The following NBAS variants were observed in gnomAD, a reference collection of about 807,000 sequenced individuals.
NBAS encodes NAG/BC035112 fusion.
A neutral mutation model predicts 302.5 loss-of-function variants in NBAS; 219 were observed. The ratio of observed to expected loss-of-function variants is 0.72; its 90% confidence interval spans 0.65 to 0.81. The LOEUF is 0.81. NBAS is among the 30% of genes least tolerant of loss of function. NBAS has a pLI of 0.00. For synonymous variants in NBAS, 1,118 were observed against 1,021.6 expected, an observed-to-expected ratio of 1.09 and a Z score of -1.80; for missense variants, 2,932 against 2,841.6, an observed-to-expected ratio of 1.03 and a Z score of -0.72.
the NBAS span, among the ~76,000 whole-genome samples, chr2:14,969,478 G>A: frequency 2.6e-5 from 4 of 152,120 alleles, no homozygotes; most frequent in Non-Finnish European, 4.4e-5. Flanking sequence ...CCGGGTTCAA[G>A]CGACCCTCCT....
At chr2:15,540,618 T>C (rs952346937) in intron 6 of NBAS, among the ~76,000 whole-genome samples, 17 of 152,254 alleles carry the variant, frequency 1.1e-4, no homozygotes, top group African/African-American at 3.1e-4. Context: ...CCATTGTAGC[T>C]TTCCAGTTTT....
At chr2:14,783,436 C>G in the NBAS span, among the ~76,000 whole-genome samples, 1 of 150,174 alleles carries the variant, frequency 6.7e-6, no homozygotes, top group Non-Finnish European at 1.5e-5. Context: ...CGTCATTTAG[C>G]ATTAGGTATA....
chr2:15,370,330 A>G (rs746391620), intron 31 of NBAS, among the ~76,000 whole-genome samples: 1 of 152,102 alleles, frequency 6.6e-6, no homozygotes, highest in African/African-American at 2.4e-5. Context: ...GTCTCGCTCT[A>G]TTGCCCAGGC....
chr2:15,560,698 C>G (rs1391829682), intron 1 of NBAS, among the ~76,000 whole-genome samples: 1 of 152,100 alleles, frequency 6.6e-6, no homozygotes, highest in Non-Finnish European at 1.5e-5. Flanking sequence ...CTGCGCTCTG[C>G]ACCAGCCTGG....
At chr2:15,442,781 G>A (rs975674441) in intron 21 of NBAS, among the ~76,000 whole-genome samples, 1 of 151,578 alleles carries the variant, frequency 6.6e-6, no homozygotes, top group Non-Finnish European at 1.5e-5. Flanking sequence ...AAAAAAGAGA[G>A]AAGAATCAAA....
the NBAS span, among the ~76,000 whole-genome samples, chr2:14,787,033 T>C: frequency 1.3e-5 from 2 of 152,206 alleles, no homozygotes; most frequent in African/African-American, 4.8e-5. Flanking sequence ...ATATTTAGGA[T>C]AGTTAGCTCT....
the NBAS span, among the ~76,000 whole-genome samples, chr2:15,115,754 T>C: frequency 6.6e-6 from 1 of 152,106 alleles, no homozygotes; most frequent in African/African-American, 2.4e-5. Flanking sequence ...CTCACATGAT[T>C]CTTCTGCCTC....
the NBAS span, among the ~76,000 whole-genome samples, chr2:14,993,515 A>G: frequency 1.3e-5 from 2 of 152,354 alleles, no homozygotes; most frequent in South Asian, 4.1e-4. Flanking sequence ...GAACAACACC[A>G]TACATTAACG....
intron 42 of NBAS, among the ~76,000 whole-genome samples, chr2:15,284,860 A>C (rs1254890736): frequency 1.3e-5 from 2 of 152,202 alleles, no homozygotes; most frequent in Admixed American, 1.3e-4. Context: ...GCCAGGAGGT[A>C]ATGATTTCCT....
At chr2:14,787,763 T>A in the NBAS span, among the ~76,000 whole-genome samples, 1 of 152,250 alleles carries the variant, frequency 6.6e-6, no homozygotes. Flanking sequence ...TATTTTTTCC[T>A]TCATTTCAAC....
chr2:15,529,355 T>C (rs920387718), intron 9 of NBAS, among the ~76,000 whole-genome samples: 4 of 151,976 alleles, frequency 2.6e-5, no homozygotes, highest in African/African-American at 9.7e-5. Context: ...CAGCCAAGTG[T>C]GGTGGTGTGC....
the NBAS span, among the ~76,000 whole-genome samples, chr2:15,110,920 T>C: frequency 6.6e-6 from 1 of 152,126 alleles, no homozygotes. Context: ...AGAAACATAA[T>C]GCTTGGAGCC....
At chr2:15,445,326 T>C (rs1678672099) in intron 21 of NBAS, among the ~76,000 whole-genome samples, 1 of 147,790 alleles carries the variant, frequency 6.8e-6, no homozygotes, top group Non-Finnish European at 1.5e-5. Flanking sequence ...TATGCAGCCA[T>C]AAAAAATGAT....
At chr2:15,395,651 T>C (rs940606542) in intron 27 of NBAS, among the ~76,000 whole-genome samples, 4 of 152,222 alleles carry the variant, frequency 2.6e-5, no homozygotes, top group Admixed American at 2.0e-4. Context: ...CGATTTCTAA[T>C]CAGTGGACTC....
At chr2:15,009,964 G>T in the NBAS span, among the ~76,000 whole-genome samples, 1 of 152,050 alleles carries the variant, frequency 6.6e-6, no homozygotes, top group Non-Finnish European at 1.5e-5. Context: ...TTTATGTTTT[G>T]CTCTGGAAAA....
At chr2:14,977,828 G>A in the NBAS span, among the ~76,000 whole-genome samples, 1 of 152,082 alleles carries the variant, frequency 6.6e-6, no homozygotes, top group Admixed American at 6.5e-5. Flanking sequence ...ATACCTGATT[G>A]GCCTTATTGG....
the NBAS span, among the ~76,000 whole-genome samples, chr2:14,811,409 C>T: frequency 6.6e-6 from 1 of 151,626 alleles, no homozygotes; most frequent in Non-Finnish European, 1.5e-5. Context: ...GGCCCTGACT[C>T]TAGAAAAAAA....
In NBAS at chr2:15,328,217, T is replaced by G; in HGVS notation, c.4443A>C (p.Ser1481=). The change falls in exon 37 of 52, where the codon TCA becomes TCC. Residue 1481 remains serine, a synonymous_variant. Coordinates refer to ENST00000281513, the MANE Select transcript of NBAS (RefSeq NM_015909.4). ...TCCTTACCTCAGCGACAAAAGGATT[T>G]GAGATGACAGATTCATAAAAAGGAT... ...GCHPFYESVI[S]NPFVAESEGT... is the part of the protein sequence containing the mutation. The G allele has an allele frequency of 6.2e-7, 1 of 1,613,654 alleles. No individual in the cohort carries two copies. Among genetic ancestry groups the G allele is most frequent in the Non-Finnish European group, 8.5e-7 (1 of 1,179,674 alleles).
At chr2:15,239,892 G>A (rs549149183) in intron 44 of NBAS, among the ~76,000 whole-genome samples, 1 of 152,168 alleles carries the variant, frequency 6.6e-6, no homozygotes, top group East Asian at 1.9e-4. Flanking sequence ...ATGTGCAGGA[G>A]TTATATTTTT....
Sources: gnomAD v4.1 joint callset for allele counts (sites outside exome capture counted in the v4.1 genomes callset) on GRCh38, gnomAD v4.1.1 for gene constraint, MANE v1.5 for transcripts, NCBI Gene and HGNC (gene_info 2026-07-23, HGNC 2026-07-21) for gene names.